The following SSBP3 variants were observed in gnomAD, a reference collection of about 807,000 sequenced individuals.
SSBP3 encodes the protein single stranded DNA binding protein 3, also known as single-stranded DNA-binding protein 3.
In SSBP3, 5 loss-of-function variants were observed where a neutral mutation model predicts 69.6. That is an observed-to-expected ratio of 0.07 (90% confidence interval 0.04 to 0.15). The LOEUF is 0.15. Ranked by LOEUF, SSBP3 falls within the 10% of genes least tolerant of loss-of-function variation. SSBP3 has a pLI of 1.00. For synonymous variants in SSBP3, 196 were observed against 193.4 expected (o/e 1.01, Z -0.11); for missense variants, 312 against 534.0 (o/e 0.58, Z 4.10).
Position 54,246,492 on chromosome 1 carries a change from T to C in SSBP3, c.652-3193A>G, listed in dbSNP as rs537222883. On this transcript the variant is annotated intron_variant, in intron 9 of 17. Coordinates refer to ENST00000610401, the Ensembl canonical transcript of SSBP3. ...AACAAGAGCAGAAGCCTGGTATGTC[T>C]CAGCACGGAGTGGGGTGAGAGGAGA... 4.7e-4 allele frequency among the ~76,000 whole-genome samples: 71 copies of C among 152,228 alleles called. 1 individual carries two copies. Among genetic ancestry groups the C allele is most frequent in the African/African-American group, 1.7e-3 (69 of 41,558 alleles).
chr1:54,240,115 C>T (rs1460070570), intron 13 of SSBP3, among the ~76,000 whole-genome samples: 96 of 2,582 alleles, frequency 0.037, 1 homozygote, highest in Admixed American at 0.22. Context: ...CGTGCGCGCG[C>T]GCGCGCAACA....
chr1:54,256,030 T>C (rs1459440314), intron 7 of SSBP3, among the ~76,000 whole-genome samples: 2 of 151,632 alleles, frequency 1.3e-5, no homozygotes, highest in East Asian at 3.9e-4. Flanking sequence ...GAGCAGAGAT[T>C]GCACCACTGC....
intron 4 of SSBP3, among the ~76,000 whole-genome samples, chr1:54,353,332 T>C (rs1032482424): frequency 5.3e-5 from 8 of 152,210 alleles, no homozygotes; most frequent in Non-Finnish European, 1.2e-4. Flanking sequence ...AAGGGTAAAC[T>C]GGAAGATCAC....
At chr1:54,328,494 G>A (rs1039245847) in intron 4 of SSBP3, among the ~76,000 whole-genome samples, 2 of 152,132 alleles carry the variant, frequency 1.3e-5, no homozygotes, top group Admixed American at 6.6e-5. Flanking sequence ...GCTAGCCCAG[G>A]CCTCACCATG....
At chr1:54,363,432 G>C (rs2100643650) in intron 4 of SSBP3, among the ~76,000 whole-genome samples, 1 of 152,164 alleles carries the variant, frequency 6.6e-6, no homozygotes, top group Non-Finnish European at 1.5e-5. Flanking sequence ...TCAAAATTAT[G>C]ACAGATGACT....
rs146012434 is a variant in SSBP3, at chr1:54,332,927, C to T, written c.277-51400G>A. 1.1e-3 allele frequency among the ~76,000 whole-genome samples: 168 copies of T among 152,286 alleles called. No individual in the cohort carries two copies. In the Middle Eastern group the frequency reaches 0.014, roughly 12 times the overall value. On this transcript the variant is annotated intron_variant, in intron 4 of 17. Transcript: ENST00000610401. ...GTAAGCAAACATGCACGCACACACA[C>T]GCGCGAGCACACACACACGCGTGCG...
At chr1:54,318,665 G>C (rs1646158154) in intron 4 of SSBP3, among the ~76,000 whole-genome samples, 1 of 152,116 alleles carries the variant, frequency 6.6e-6, no homozygotes, top group South Asian at 2.1e-4. Flanking sequence ...TGCCAGGAGA[G>C]GAATGTGTCC....
At chr1:54,325,434 T>G (rs1646284693) in intron 4 of SSBP3, 1 of 167,150 alleles carries the variant, frequency 6.0e-6, no homozygotes, top group South Asian at 2.1e-4. Flanking sequence ...GCTGAATGAA[T>G]GAAGACAGGA....
chr1:54,319,755 T>G (rs538833873), intron 4 of SSBP3, among the ~76,000 whole-genome samples: 4 of 151,458 alleles, frequency 2.6e-5, no homozygotes, highest in South Asian at 4.2e-4. Flanking sequence ...TTATTAGGTT[T>G]AAAGAAAAAA....
chr1:54,286,134 C>G (rs533943256), intron 4 of SSBP3, among the ~76,000 whole-genome samples: 1 of 152,030 alleles, frequency 6.6e-6, no homozygotes, highest in South Asian at 2.1e-4. Flanking sequence ...TAAACACTAC[C>G]GAGAGACCTG....
intron 5 of SSBP3, among the ~76,000 whole-genome samples, chr1:54,276,838 C>T (rs1440999123): frequency 6.6e-6 from 1 of 152,096 alleles, no homozygotes; most frequent in Non-Finnish European, 1.5e-5. Context: ...GCAACCTCTC[C>T]AGCCTCATCT....
At chr1:54,403,913 CTGGT>C (rs1649489162) in intron 3 of SSBP3, among the ~76,000 whole-genome samples, 1 of 151,418 alleles carries the variant, frequency 6.6e-6, no homozygotes, top group African/African-American at 2.4e-5. Flanking sequence ...ACACAGAGGC[CTGGT>C]TAGAGAGTCA....
chr1:54,296,341 C>T (rs571041363), intron 4 of SSBP3, among the ~76,000 whole-genome samples: 2 of 152,330 alleles, frequency 1.3e-5, no homozygotes, highest in African/African-American at 4.8e-5. Context: ...ATAGCAGGAC[C>T]ATTCTTGACA....
exon 18 of SSBP3, chr1:54,227,063 T>G: frequency 3.0e-6 from 4 of 1,347,624 alleles, no homozygotes; most frequent in Non-Finnish European, 4.3e-6. Context: ...ACACCTCACT[T>G]CTTGCATAAT....
intron 7 of SSBP3, 114 bp downstream of exon 7, chr1:54,257,013 A>C (rs1483797188): frequency 9.0e-6 from 10 of 1,106,372 alleles, no homozygotes; most frequent in Non-Finnish European, 1.3e-5. Flanking sequence ...CAGCCACGTT[A>C]AACCTGCCCC....
rs145350617 is a variant in SSBP3 at position 54,229,710 on chromosome 1, G to T, written c.928-884C>A. 4.8e-4 allele frequency among the ~76,000 whole-genome samples: 73 copies of T among 152,332 alleles called. No homozygotes were observed. In the East Asian group the frequency reaches 0.01, roughly 21 times the overall value. On this transcript the variant is annotated intron_variant, in intron 14 of 17. Transcript: ENST00000610401. ...GGGGCGGCTGAGCCCAGCCTGGAGC[G>T]CCAAGGCCCTGTGATGCAGACTGCA... is the stretch of plus-strand genomic sequence containing the variant.
chr1:54,319,929 A>C (rs754227492), intron 4 of SSBP3, among the ~76,000 whole-genome samples: 15 of 152,146 alleles, frequency 9.9e-5, no homozygotes, highest in Non-Finnish European at 1.8e-4. Context: ...CTTCAAACTC[A>C]CTGTCTAGAC....
At chr1:54,315,821 C>G (rs1646086753) in intron 4 of SSBP3, among the ~76,000 whole-genome samples, 1 of 152,008 alleles carries the variant, frequency 6.6e-6, no homozygotes, top group South Asian at 2.1e-4. Context: ...GCTACTATGC[C>G]CAGCTGATTT....
chr1:54,407,748 GATTTTTT>G (rs1277318656), upstream of SSBP3, among the ~76,000 whole-genome samples: 1 of 86,352 alleles, frequency 1.2e-5, no homozygotes, highest in East Asian at 4.6e-4. Context: ...AGCCTAGGTT[GATTTTTT>G]TTTTTTTTTT....
Sources: gnomAD v4.1 joint callset for allele counts (sites outside exome capture counted in the v4.1 genomes callset) on GRCh38, gnomAD v4.1.1 for gene constraint, MANE v1.5 for transcripts, NCBI Gene and HGNC (gene_info 2026-07-23, HGNC 2026-07-21) for gene names.